PHF14: variants seen among roughly 807,000 people sequenced by gnomAD.
PHF14 encodes the protein PHD finger protein 14.
In PHF14, 55 loss-of-function variants were observed where a neutral mutation model predicts 117.9. The observed-to-expected ratio is 0.47, with a 90% CI of 0.38 to 0.58. The LOEUF is 0.58. Ranked by LOEUF, PHF14 falls within the 20% of genes least tolerant of loss-of-function variation. The probability of loss-of-function intolerance (pLI) is 0.00; values close to 1 mark genes in which losing one functional copy is unlikely to be tolerated. For synonymous variants in PHF14, 409 were observed against 368.6 expected, an observed-to-expected ratio of 1.11 and a Z score of -1.26; for missense variants, 978 against 1,122.2, an observed-to-expected ratio of 0.87 and a Z score of 1.84.
intron 16 of PHF14, among the ~76,000 whole-genome samples, chr7:11,088,836 A>G (rs571161808): frequency 6.6e-6 from 1 of 152,244 alleles, no homozygotes; most frequent in African/African-American, 2.4e-5. Context: ...TGTATCTCCT[A>G]TAGATTTATA....
chr7:11,023,806 C>T (rs534360834), intron 6 of PHF14, among the ~76,000 whole-genome samples: 47 of 151,836 alleles, frequency 3.1e-4, no homozygotes, highest in South Asian at 8.3e-4. Flanking sequence ...CCAGCCTGGG[C>T]GACAGAGTGA....
chr7:11,125,225 G>C (rs543550889), intron 17 of PHF14, among the ~76,000 whole-genome samples: 24 of 152,162 alleles, frequency 1.6e-4, no homozygotes, highest in African/African-American at 5.5e-4. Flanking sequence ...TCAAATCTTA[G>C]TTTTTAATGT....
intron 16 of PHF14, among the ~76,000 whole-genome samples, chr7:11,072,341 A>G (rs761638106): frequency 6.6e-6 from 1 of 152,190 alleles, no homozygotes; most frequent in Non-Finnish European, 1.5e-5. Flanking sequence ...TTCATGAGAA[A>G]TCTACCCCCG....
intron 2 of PHF14, among the ~76,000 whole-genome samples, chr7:10,980,704 C>T (rs1236179245): frequency 1.3e-5 from 2 of 152,140 alleles, no homozygotes; most frequent in Admixed American, 6.5e-5. Context: ...ATTTATTTCT[C>T]ATACTCTGTA....
chr7:11,042,811 A>G lies in PHF14; in HGVS notation c.2309A>G (p.Tyr770Cys). ...ATGCCAAGAAAGACCAAAAACAGTT[A>G]TTGGTGAGTAAAATAGAGGAGATTT... Reference protein sequence around the residue: ...TRMPRKTKNSYWQCSECDQAG... With the variant: ...TRMPRKTKNSCWQCSECDQAG... Residue 770 changes from tyrosine to cysteine, a missense_variant, in exon 13 of 18, where the codon TAT becomes TGT. Coordinates refer to ENST00000634607, the MANE Select transcript of PHF14 (RefSeq NM_001007157.2). The G allele has an allele frequency of 6.4e-7, 1 of 1,566,928 alleles. No homozygotes were observed. The highest frequency in any genetic ancestry group is 8.7e-7 in the Non-Finnish European group (1 of 1,150,924).
At chr7:11,002,076 A>G (rs561556133) in intron 4 of PHF14, among the ~76,000 whole-genome samples, 15 of 151,544 alleles carry the variant, frequency 9.9e-5, no homozygotes, top group African/African-American at 2.4e-4. Flanking sequence ...ACAGAGTCTC[A>G]CTCTGCTGCC....
intron 16 of PHF14, among the ~76,000 whole-genome samples, chr7:11,085,477 C>T (rs1786356577): frequency 6.6e-6 from 1 of 152,104 alleles, no homozygotes; most frequent in African/African-American, 2.4e-5. Flanking sequence ...GTGATTAATT[C>T]TAAAGGCAAA....
chr7:11,012,213 C>G (rs1226284781), intron 4 of PHF14, among the ~76,000 whole-genome samples: 3 of 152,130 alleles, frequency 2.0e-5, no homozygotes, highest in Non-Finnish European at 2.9e-5. Context: ...GATAAATAAT[C>G]TACTCTTTTA....
At chr7:10,992,431 G>C (rs1782493961) in intron 4 of PHF14, among the ~76,000 whole-genome samples, 1 of 151,380 alleles carries the variant, frequency 6.6e-6, no homozygotes, top group Admixed American at 6.6e-5. Context: ...GGGAGGCCGA[G>C]GCGGGCGGAT....
rs571509367 is a variant in PHF14 at position 11,029,487 on chromosome 7, C to T, written c.1455+669C>T. On this transcript the variant is annotated intron_variant, in intron 7 of 17. Coordinates refer to ENST00000634607, the MANE Select transcript of PHF14 (RefSeq NM_001007157.2). Reference sequence around the variant, plus strand: ...AGAAACAATTTTGAGAATCCAGCTACCTTTTTTTATGTCAGTTATCTAGAC... The same window carrying T: ...AGAAACAATTTTGAGAATCCAGCTATCTTTTTTTATGTCAGTTATCTAGAC... Among the ~76,000 whole-genome samples, 18 of 152,224 alleles carry T rather than the reference C, an allele frequency of 1.2e-4. No individual in the cohort carries two copies. In the East Asian group the frequency reaches 3.5e-3, roughly 29 times the overall value.
At chr7:11,159,276 T>C (rs115013884) in intron 17 of PHF14, among the ~76,000 whole-genome samples, 17 of 152,202 alleles carry the variant, frequency 1.1e-4, no homozygotes, top group African/African-American at 4.1e-4. Context: ...TGACATGGTG[T>C]GATCTATAAC....
At position 11,083,525 on chromosome 7, in the gene PHF14, G is replaced by A. The variant is rs115319303; in HGVS notation, c.2654+21440G>A. ...GCTCTGTCGCCCAGGCTGCAGTGCAGTCTCGGCTCACTGGAAACTCCGCCT... is the reference window on the plus strand; with the variant it reads ...GCTCTGTCGCCCAGGCTGCAGTGCAATCTCGGCTCACTGGAAACTCCGCCT... On this transcript the variant is annotated intron_variant, in intron 16 of 17. Transcript: ENST00000634607. 3.0e-3 allele frequency among the ~76,000 whole-genome samples: 427 copies of A among 142,592 alleles called. 3 individuals carry two copies. Among genetic ancestry groups the A allele is most frequent in the African/African-American group, 0.011 (410 of 37,902 alleles). 93.5% of individuals were successfully genotyped at this position (142,592 alleles called of 152,430 possible). A position where few individuals can be genotyped will look rare whatever the true frequency, so the allele number is the denominator to read the frequency against.
chr7:11,031,336 C>G (rs756973774), intron 7 of PHF14, among the ~76,000 whole-genome samples: 2 of 152,018 alleles, frequency 1.3e-5, no homozygotes, highest in African/African-American at 2.4e-5. Flanking sequence ...CATTTCTATT[C>G]TTTTTCATCT....
rs1265188038 is a variant in PHF14 at position 11,130,219 on chromosome 7, A to G, written c.2772+18752A>G. On this transcript the variant is annotated intron_variant, in intron 17 of 17. Coordinates refer to ENST00000634607, the MANE Select transcript of PHF14 (RefSeq NM_001007157.2). This position sits in a 1 kb window ranked among gnomAD's most constrained non-coding sequence, Gnocchi z 4.2. Reference sequence around the variant, plus strand: ...TTTAAAATCATATCTGGAATTTGATACATATCACTCCAGGCCACATTCCTC... The same window carrying G: ...TTTAAAATCATATCTGGAATTTGATGCATATCACTCCAGGCCACATTCCTC... Among the ~76,000 whole-genome samples the G allele has an allele frequency of 6.6e-6, 1 of 151,962 alleles. No homozygotes were observed. Among genetic ancestry groups the G allele is most frequent in the Non-Finnish European group, 1.5e-5 (1 of 67,950 alleles).
rs145703033 is a variant in PHF14, at chr7:11,043,643, AT to A, written c.2312+835del. On this transcript the variant is annotated intron_variant, in intron 13 of 17. Transcript: ENST00000634607. Reference sequence around the variant, plus strand: ...CTGTTCATTTGATTAGGAAGCTGAAATTTTTTCACTATTTTCACATGATTGC... The same window carrying A: ...CTGTTCATTTGATTAGGAAGCTGAAATTTTTCACTATTTTCACATGATTGC... Among the ~76,000 whole-genome samples, 309 of 151,978 alleles carry A rather than the reference AT, an allele frequency of 2.0e-3. 1 individual carries two copies. Among genetic ancestry groups the A allele is most frequent in the African/African-American group, 7.3e-3 (303 of 41,466 alleles).
intron 16 of PHF14, among the ~76,000 whole-genome samples, chr7:11,076,878 G>GTTT (rs111330414): frequency 0.02 from 2,725 of 135,306 alleles, 70 homozygotes; most frequent in East Asian, 0.11. Context: ...TTCAAATATG[G>GTTT]TTTTTTTTTT....
chr7:11,140,568 C>G lies in PHF14; in HGVS notation c.2773-28848C>G, dbSNP rs190329354. On this transcript the variant is annotated intron_variant, in intron 17 of 17. Coordinates refer to ENST00000634607, the MANE Select transcript of PHF14 (RefSeq NM_001007157.2). The stretch of plus-strand genomic sequence containing the variant: ...TTTTGTGATGAGATCTTTCATTGTT[C>G]AGCAATAATGAGCTATGGATTTATA... Among the ~76,000 whole-genome samples, 42 of 151,992 alleles carry G rather than the reference C, an allele frequency of 2.8e-4. No homozygotes were observed. In the East Asian group the frequency reaches 7.2e-3, roughly 26 times the overall value.
intron 17 of PHF14, among the ~76,000 whole-genome samples, chr7:11,121,012 A>G (rs540912357): frequency 6.6e-5 from 10 of 152,320 alleles, no homozygotes; most frequent in African/African-American, 2.4e-4. Flanking sequence ...AAATGAAAAT[A>G]CAAAGTAAAT....
intron 17 of PHF14, among the ~76,000 whole-genome samples, chr7:11,127,272 C>G (rs1787954112): frequency 6.9e-6 from 1 of 144,686 alleles, no homozygotes; most frequent in African/African-American, 2.6e-5. Context: ...ATTGCTAGAG[C>G]TTTTCTATGT....
Sources: gnomAD v4.1 joint callset for allele counts (sites outside exome capture counted in the v4.1 genomes callset) on GRCh38, gnomAD v4.1.1 for gene constraint, Gnocchi (gnomAD v3.1) non-coding constraint, MANE v1.5 for transcripts, NCBI Gene and HGNC (gene_info 2026-07-23, HGNC 2026-07-21) for gene names.